FRMD4A: variants seen among roughly 807,000 people sequenced by gnomAD.
The protein encoded by FRMD4A is FERM domain-containing protein 4A.
Under a neutral mutation model 129.1 loss-of-function variants are expected in FRMD4A, and 29 were observed. That is an observed-to-expected ratio of 0.22 (90% CI 0.17 to 0.31). The LOEUF is 0.31. Among genes scored for constraint, FRMD4A ranks in the 10% least tolerant of loss-of-function variants. The probability of loss-of-function intolerance (pLI) is 1.00; values close to 1 mark genes in which losing one functional copy is unlikely to be tolerated. For missense variants in FRMD4A, 1,272 were observed against 1,375.8 expected (o/e 0.92, Z 1.19); for synonymous variants, 634 against 571.6 (o/e 1.11, Z -1.56).
At chr10:14,166,123 T>G (rs1301708808) in intron 2 of FRMD4A, among the ~76,000 whole-genome samples, 1 of 150,816 alleles carries the variant, frequency 6.6e-6, no homozygotes, top group Non-Finnish European at 1.5e-5. Context: ...TAAAACAATA[T>G]TTTATTAACA....
intron 2 of FRMD4A, among the ~76,000 whole-genome samples, chr10:14,188,928 C>A (rs574506208): frequency 1.3e-5 from 2 of 152,214 alleles, no homozygotes; most frequent in South Asian, 4.2e-4. Context: ...AAACAAAATC[C>A]CGCCCAAAAC....
intron 2 of FRMD4A, among the ~76,000 whole-genome samples, chr10:14,264,106 C>T (rs746380064): frequency 1.3e-5 from 2 of 152,162 alleles, no homozygotes; most frequent in African/African-American, 4.8e-5. Flanking sequence ...ACCTGCCAAG[C>T]GCTTTACAAG....
intron 2 of FRMD4A, among the ~76,000 whole-genome samples, chr10:14,121,959 C>T (rs368023085): frequency 2.0e-5 from 3 of 152,230 alleles, no homozygotes; most frequent in Admixed American, 6.5e-5. Flanking sequence ...AGGATTATGC[C>T]AAGATATGGA....
intron 2 of FRMD4A, among the ~76,000 whole-genome samples, chr10:14,174,865 AAGTGTGTGTGTGTCTGTGT>A (rs957379604): frequency 3.7e-5 from 5 of 136,846 alleles, no homozygotes; most frequent in Admixed American, 7.5e-5. Flanking sequence ...TTAAAAAAAA[AAGTGTGTGTGTGTCTGTGT>A]GTGTGTGTGT....
intron 2 of FRMD4A, among the ~76,000 whole-genome samples, chr10:14,320,523 T>G (rs1846935744): frequency 6.6e-6 from 1 of 152,244 alleles, no homozygotes; most frequent in Non-Finnish European, 1.5e-5. Context: ...CGCCATTTTC[T>G]ACAAACCATG....
chr10:14,027,241 C>A (rs1192396775), intron 2 of FRMD4A, among the ~76,000 whole-genome samples: 1 of 152,216 alleles, frequency 6.6e-6, no homozygotes, highest in Non-Finnish European at 1.5e-5. Context: ...TGGAGAAGAG[C>A]TATTGTTTCC....
At chr10:13,975,324 C>G (rs761604146) in intron 2 of FRMD4A, among the ~76,000 whole-genome samples, 18 of 150,214 alleles carry the variant, frequency 1.2e-4, no homozygotes, top group Non-Finnish European at 2.1e-4. Context: ...GTGTGTGTGC[C>G]TATCTCTGAG....
chr10:14,237,192 C>T (rs1485643542), intron 2 of FRMD4A, among the ~76,000 whole-genome samples: 7 of 151,966 alleles, frequency 4.6e-5, no homozygotes, highest in Non-Finnish European at 1.0e-4. Context: ...CCTGGAGTGA[C>T]GAGCACTGTC....
intron 6 of FRMD4A, among the ~76,000 whole-genome samples, chr10:13,767,571 G>A (rs1441533865): frequency 2.0e-5 from 3 of 152,212 alleles, no homozygotes; most frequent in African/African-American, 4.8e-5. Flanking sequence ...TTCTGCTCAA[G>A]CAGAGGAACT....
intron 6 of FRMD4A, among the ~76,000 whole-genome samples, chr10:13,769,608 C>A (rs1190214641): frequency 1.3e-5 from 2 of 152,112 alleles, no homozygotes; most frequent in African/African-American, 2.4e-5. Context: ...CTGTGTCCGG[C>A]CCCGAGTTGC....
intron 2 of FRMD4A, among the ~76,000 whole-genome samples, chr10:13,947,668 A>G (rs1030257226): frequency 6.6e-6 from 1 of 152,116 alleles, no homozygotes; most frequent in African/African-American, 2.4e-5. Context: ...ACTCAAATAC[A>G]TGCCATAGTA....
At chr10:13,735,386 A>G (rs1182737970) in intron 12 of FRMD4A, among the ~76,000 whole-genome samples, 1 of 152,220 alleles carries the variant, frequency 6.6e-6, no homozygotes, top group African/African-American at 2.4e-5. Context: ...GACCTGGATA[A>G]GTTCCATTCA....
At chr10:13,680,769 G>A (rs1013844088) in intron 15 of FRMD4A, among the ~76,000 whole-genome samples, 1 of 151,968 alleles carries the variant, frequency 6.6e-6, no homozygotes, top group African/African-American at 2.4e-5. Flanking sequence ...GATATAGGCT[G>A]GGCGCAGTGG....
Position 14,000,417 on chromosome 10 carries a change from C to T in FRMD4A, c.46-141505G>A, listed in dbSNP as rs574199408. Among the ~76,000 whole-genome samples the T allele has an allele frequency of 5.0e-3, 760 of 151,812 alleles. 7 individuals carry two copies. The highest frequency in any genetic ancestry group is 0.017 in the African/African-American group (715 of 41,410). ...ATTCCAGCAGTTTGGGAGGCTAAAGCGGGTGGATCACTTGAGGTCAGGAGT... is the reference window on the plus strand; with the variant it reads ...ATTCCAGCAGTTTGGGAGGCTAAAGTGGGTGGATCACTTGAGGTCAGGAGT... On this transcript the variant is annotated intron_variant, in intron 2 of 24. Coordinates refer to ENST00000357447, the MANE Select transcript of FRMD4A (RefSeq NM_018027.5).
At chr10:14,286,843 C>T (rs889394763) in intron 2 of FRMD4A, among the ~76,000 whole-genome samples, 2 of 151,856 alleles carry the variant, frequency 1.3e-5, no homozygotes, top group Admixed American at 1.3e-4. Flanking sequence ...GAGACAGAGT[C>T]CATACTGGGA....
chr10:14,066,494 G>T (rs1160813589), intron 2 of FRMD4A, among the ~76,000 whole-genome samples: 1 of 152,144 alleles, frequency 6.6e-6, no homozygotes, highest in Non-Finnish European at 1.5e-5. Context: ...GGAAGATAAA[G>T]AGTGTGAAGT....
At chr10:14,262,426 T>C (rs183134148) in intron 2 of FRMD4A, among the ~76,000 whole-genome samples, 180 of 152,276 alleles carry the variant, frequency 1.2e-3, no homozygotes, top group Non-Finnish European at 1.9e-3. Flanking sequence ...CTAATTATTA[T>C]ATAGAAATAT....
chr10:13,727,463 C>T (rs1288033058), intron 12 of FRMD4A, among the ~76,000 whole-genome samples: 3 of 152,186 alleles, frequency 2.0e-5, no homozygotes, highest in African/African-American at 7.2e-5. Flanking sequence ...TCTTGGCCCC[C>T]AGCCTCAACA....
intron 8 of FRMD4A, among the ~76,000 whole-genome samples, chr10:13,756,589 T>C (rs971517087): frequency 6.6e-5 from 10 of 152,192 alleles, no homozygotes; most frequent in African/African-American, 2.4e-4. Context: ...GGTCTCGAAC[T>C]CCTGGCCTCA....
Sources: allele counts gnomAD v4.1 joint callset (sites outside exome capture counted in the v4.1 genomes callset), GRCh38; gene constraint gnomAD v4.1.1; transcripts MANE v1.5; gene names NCBI Gene and HGNC (gene_info 2026-07-23, HGNC 2026-07-21).